DOCK5: variants seen among roughly 807,000 people sequenced by gnomAD.
The protein encoded by DOCK5 is dedicator of cytokinesis 5, also known as dedicator of cytokinesis protein 5.
A neutral mutation model predicts 251.8 loss-of-function variants in DOCK5; 142 were observed. That is an observed-to-expected ratio of 0.56 (90% CI 0.49 to 0.65). The LOEUF (loss-of-function observed/expected upper bound fraction) is 0.65. Ranked by LOEUF, DOCK5 falls within the 30% of genes least tolerant of loss-of-function variation. The pLI, the probability that DOCK5 is intolerant of heterozygous loss-of-function variation, is 0.00. For missense variants in DOCK5, 2,111 were observed against 2,312.3 expected (o/e 0.91, Z 1.79); for synonymous variants, 842 against 835.5 (o/e 1.01, Z -0.13).
In DOCK5 at chr8:25,210,045, T is replaced by TATAA. The variant is rs1563309191; in HGVS notation, c.43+25094_43+25095insATAA. ...ATATATATATATATAAATGTGTGTG[T>TATAA]GTGTGTGTGTGTGTGTGTGTGTGTA... On this transcript the variant is annotated intron_variant, in intron 1 of 51. Transcript: ENST00000276440. Among the ~76,000 whole-genome samples the TATAA allele has an allele frequency of 8.7e-4, 18 of 20,650 alleles. 3 individuals are homozygous for TATAA. The highest frequency in any genetic ancestry group is 4.1e-3 in the African/African-American group (18 of 4,340). The allele number at this position is 20,650 out of a possible 152,430, so 13.5% of individuals were successfully genotyped here. A position where few individuals can be genotyped will look rare whatever the true frequency, so the allele number is the denominator to read the frequency against.
Position 25,276,067 on chromosome 8 carries a change from C to T in DOCK5, c.224+626C>T, listed in dbSNP as rs373106544. On this transcript the variant is annotated intron_variant, in intron 4 of 51. Transcript: ENST00000276440. ...TCTGTTCACTGATTGTGTGTGTGTGCGTGTGTGTATGTTTGCACACATGAA... is the reference window on the plus strand; with the variant it reads ...TCTGTTCACTGATTGTGTGTGTGTGTGTGTGTGTATGTTTGCACACATGAA... Among the ~76,000 whole-genome samples the T allele has an allele frequency of 5.9e-5, 9 of 151,914 alleles. No individual in the cohort carries two copies. In the East Asian group the frequency reaches 7.7e-4, roughly 13 times the overall value.
chr8:25,267,752 A>G (rs932646145), intron 2 of DOCK5, among the ~76,000 whole-genome samples: 4 of 152,228 alleles, frequency 2.6e-5, no homozygotes, highest in Non-Finnish European at 5.9e-5. Flanking sequence ...TTCCTACAGT[A>G]GGTGTTCAGC....
Position 25,380,395 on chromosome 8 carries a change from G to A in DOCK5, c.4026+1G>A, listed in dbSNP as rs1466815399. On this transcript the variant is annotated splice_donor_variant, in intron 39 of 51. Transcript: ENST00000276440. LOFTEE classifies it high-confidence loss of function. ...CTACGAGGGCCTTGGCAACCTCCTG[G>A]TGAGTCTGGGTCAAAATATGTTAGG... 5.0e-6 allele frequency: 8 copies of A among 1,605,004 alleles called. No homozygotes were observed. Among genetic ancestry groups the A allele is most frequent in the Non-Finnish European group, 6.8e-6 (8 of 1,175,394 alleles).
chr8:25,216,947 T>C (rs1802256458), intron 1 of DOCK5, among the ~76,000 whole-genome samples: 1 of 47,150 alleles, frequency 2.1e-5, no homozygotes, highest in Non-Finnish European at 3.8e-5. Context: ...AATATGTGTA[T>C]ACAATATGTA....
chr8:25,403,649 C>A lies in DOCK5; in HGVS notation c.5018C>A (p.Thr1673Asn). Residue 1673 changes from threonine to asparagine, a missense_variant, in exon 48 of 52, where the codon ACC (threonine) becomes AAC (asparagine). Coordinates refer to ENST00000276440, the MANE Select transcript of DOCK5 (RefSeq NM_024940.8). ...TCCACTCTGCGGAGGTTGTCCATCACCTCAGTCACTTCCTCTGTGGTTTCC... is the reference window on the plus strand; with the variant it reads ...TCCACTCTGCGGAGGTTGTCCATCAACTCAGTCACTTCCTCTGTGGTTTCC... ...MSSTLRRLSI[T>N]SVTSSVVSTS... The A allele has an allele frequency of 6.2e-7, 1 of 1,614,008 alleles. No homozygotes were observed. Among genetic ancestry groups the A allele is most frequent in the Non-Finnish European group, 8.5e-7 (1 of 1,179,880 alleles).
At chr8:25,289,367 G>T (rs1269886802) in intron 5 of DOCK5, among the ~76,000 whole-genome samples, 1 of 151,520 alleles carries the variant, frequency 6.6e-6, no homozygotes, top group Non-Finnish European at 1.5e-5. Context: ...GCCCAGGCTG[G>T]TCTCAAACTC....
chr8:25,322,239 G>A lies in DOCK5; in HGVS notation c.1615+1187G>A, dbSNP rs118189417. 1.2e-3 allele frequency among the ~76,000 whole-genome samples: 176 copies of A among 152,282 alleles called. 3 individuals are homozygous for A. The East Asian group carries it at 0.025, about 22-fold the overall frequency. On this transcript the variant is annotated intron_variant, in intron 16 of 51. Transcript: ENST00000276440. ...TTGTGGTCTGGTTAGGAAGATGAAC[G>A]AAAAAGTGGGTGGTTATGTACGGAA...
intron 11 of DOCK5, among the ~76,000 whole-genome samples, chr8:25,305,507 A>C (rs1804894506): frequency 6.6e-6 from 1 of 152,150 alleles, no homozygotes; most frequent in Admixed American, 6.6e-5. Context: ...AAAAAGAAAA[A>C]TTGATAGGTT....
At chr8:25,317,293 T>C (rs1805278283) in intron 14 of DOCK5, 162 bp downstream of exon 14, 1 of 1,048,874 alleles carries the variant, frequency 9.5e-7, no homozygotes, top group Non-Finnish European at 1.4e-6. Context: ...CAGTGAGCAG[T>C]TTCACTAAGG....
chr8:25,206,571 A>G (rs762183635), intron 1 of DOCK5, among the ~76,000 whole-genome samples: 1 of 152,100 alleles, frequency 6.6e-6, no homozygotes, highest in African/African-American at 2.4e-5. Flanking sequence ...TACATGACAA[A>G]TAGTTACAGT....
chr8:25,242,013 G>A (rs1774218463), intron 1 of DOCK5, among the ~76,000 whole-genome samples: 2 of 147,678 alleles, frequency 1.4e-5, no homozygotes, highest in Admixed American at 1.3e-4. Context: ...GGGGGTGGGG[G>A]TCTAGGGGAG....
chr8:25,209,711 T>C lies in DOCK5; in HGVS notation c.43+24760T>C, dbSNP rs1035321050. Among the ~76,000 whole-genome samples the C allele has an allele frequency of 2.9e-5, 2 of 68,838 alleles. 1 individual carries two copies. The highest frequency in any genetic ancestry group is 9.4e-5 in the Non-Finnish European group (2 of 21,378). 45.2% of individuals were successfully genotyped at this position (68,838 alleles called of 152,430 possible). A position where few individuals can be genotyped will look rare whatever the true frequency, so the allele number is the denominator to read the frequency against. The stretch of plus-strand genomic sequence containing the variant: ...TGAGATGATGTCTGAACTTTTTTTG[T>C]ATCTCTACAATTGCATTTTTCTGAG... On this transcript the variant is annotated intron_variant, in intron 1 of 51. Coordinates refer to ENST00000276440, the MANE Select transcript of DOCK5 (RefSeq NM_024940.8).
At chr8:25,329,862 A>C (rs763784014) in intron 18 of DOCK5, among the ~76,000 whole-genome samples, 1 of 152,196 alleles carries the variant, frequency 6.6e-6, no homozygotes, top group Non-Finnish European at 1.5e-5. Context: ...AGCTACATGG[A>C]TAAACCTGTA....
At position 25,323,919 on chromosome 8, in the gene DOCK5, C is replaced by A. The variant is rs149466393; in HGVS notation, c.1687C>A (p.Gln563Lys). Residue 563 changes from glutamine to lysine, a missense_variant, in exon 17 of 52, where the codon CAG (glutamine) becomes AAG (lysine). By Grantham distance (53) the Gln-to-Lys change is moderately conservative (BLOSUM62 1). Coordinates refer to ENST00000276440, the MANE Select transcript of DOCK5 (RefSeq NM_024940.8). ...KLMNPDGTTL[Q>K]DGRHDLVVYK... is the part of the protein sequence containing the mutation. ...GATGAACCCGGATGGCACCACTCTG[C>A]AGGATGGGAGGCACGATCTGGTGGT... is the stretch of plus-strand genomic sequence containing the variant. 6.4e-4 allele frequency: 1,025 copies of A among 1,613,132 alleles called. 4 individuals carry two copies. The highest frequency in any genetic ancestry group is 3.8e-4 in the East Asian group (17 of 44,854).
chr8:25,283,649 A>G (rs2666161), intron 5 of DOCK5, among the ~76,000 whole-genome samples: 149,415 of 152,172 alleles, frequency 0.98, 73,417 homozygotes, highest in Middle Eastern at 1. Flanking sequence ...CTGCCTGCCC[A>G]AGACTCTGAA....
chr8:25,247,881 C>A (rs968076511), intron 2 of DOCK5, among the ~76,000 whole-genome samples: 17 of 152,178 alleles, frequency 1.1e-4, no homozygotes, highest in Non-Finnish European at 2.1e-4. Flanking sequence ...TGGTTAACTT[C>A]TTCAGTTATG....
intron 7 of DOCK5, 88 bp from the exon 8 acceptor site, chr8:25,298,856 G>T (rs967027130): frequency 2.2e-6 from 3 of 1,380,276 alleles, no homozygotes; most frequent in Non-Finnish European, 2.9e-6. Context: ...TCTGCCATTT[G>T]CAGGCTTATT....
intron 45 of DOCK5, among the ~76,000 whole-genome samples, chr8:25,396,029 G>A (rs192891453): frequency 1.3e-5 from 2 of 152,202 alleles, no homozygotes; most frequent in East Asian, 3.9e-4. Context: ...CAGAACCCAG[G>A]CGCACTGGAA....
intron 1 of DOCK5, among the ~76,000 whole-genome samples, chr8:25,200,524 G>A (rs1014649375): frequency 2.0e-5 from 3 of 152,136 alleles, no homozygotes; most frequent in Admixed American, 6.5e-5. Flanking sequence ...AAATGATACT[G>A]AGTCGTTTGT....
Sources: gnomAD v4.1 joint callset for allele counts (sites outside exome capture counted in the v4.1 genomes callset) on GRCh38, gnomAD v4.1.1 for gene constraint, MANE v1.5 for transcripts, NCBI Gene and HGNC (gene_info 2026-07-23, HGNC 2026-07-21) for gene names.